PLPP7: variants seen among roughly 807,000 people sequenced by gnomAD.
The protein encoded by PLPP7 is phospholipid phosphatase 7 (inactive).
Under a neutral mutation model 16.9 loss-of-function variants are expected in PLPP7, and 11 were observed. The observed-to-expected ratio is 0.65, with a 90% confidence interval of 0.41 to 1.08. The LOEUF is 1.08. PLPP7 is among the 50% of genes least tolerant of loss of function. The pLI is 0.00. For synonymous variants in PLPP7, 174 were observed against 175.1 expected, an observed-to-expected ratio of 0.99 and a Z score of 0.05; for missense variants, 358 against 397.1, an observed-to-expected ratio of 0.90 and a Z score of 0.84.
intron 1 of PLPP7, among the ~76,000 whole-genome samples, chr9:131,300,599 T>C (rs1835786869): frequency 6.6e-6 from 1 of 151,240 alleles, no homozygotes; most frequent in African/African-American, 2.4e-5. Flanking sequence ...GGAGGATCAT[T>C]TGAGCCCAAA....
At chr9:131,298,355 G>A (rs1457487878) in intron 1 of PLPP7, among the ~76,000 whole-genome samples, 2 of 152,146 alleles carry the variant, frequency 1.3e-5, no homozygotes, top group East Asian at 1.9e-4. Flanking sequence ...CAGCCCAGGA[G>A]CACTGGGACC....
At chr9:131,291,140 T>G (rs772409346) in intron 1 of PLPP7, 2 of 1,366,444 alleles carry the variant, frequency 1.5e-6, no homozygotes, top group Non-Finnish European at 2.0e-6. Context: ...AGGTGCCACG[T>G]GGGGCCCATG....
chr9:131,299,056 A>G (rs551650168), intron 1 of PLPP7, among the ~76,000 whole-genome samples: 2 of 152,306 alleles, frequency 1.3e-5, no homozygotes, highest in Admixed American at 6.5e-5. Flanking sequence ...AGTGTCTGCT[A>G]TACACAAGCA....
At chr9:131,292,214 A>G (rs1039807595) in intron 1 of PLPP7, among the ~76,000 whole-genome samples, 8 of 152,160 alleles carry the variant, frequency 5.3e-5, no homozygotes, top group African/African-American at 1.2e-4. Context: ...GTGGCTCAAG[A>G]AGACTGTTGG....
At position 131,308,278 on chromosome 9, in the gene PLPP7, T is replaced by C; in HGVS notation, c.807T>C (p.Ser269=). 1 of 1,588,660 alleles carries C rather than the reference T, an allele frequency of 6.3e-7. No individual in the cohort carries two copies. The highest frequency in any genetic ancestry group is 8.5e-7 in the Non-Finnish European group (1 of 1,174,642). The change falls in exon 2 of 2, where the codon TCT becomes TCC. Residue 269 remains serine (S), a synonymous_variant. Transcript: ENST00000372264. The part of the protein sequence containing the change: ...MPSSTCQMLI[S]AW ...CCAGCACCTGCCAGATGCTCATCTCTGCCTGGTGAAGCGCCCGCCGGCCCA... is the reference window on the plus strand; with the variant it reads ...CCAGCACCTGCCAGATGCTCATCTCCGCCTGGTGAAGCGCCCGCCGGCCCA...
chr9:131,290,164 C>A lies in PLPP7; in HGVS notation c.167C>A (p.Ala56Asp). 6.3e-7 allele frequency: 1 copy of A among 1,577,364 alleles called. No homozygotes were observed. Among genetic ancestry groups the A allele is most frequent in the Non-Finnish European group, 8.6e-7 (1 of 1,157,630 alleles). Residue 56 changes from alanine to aspartate, a missense_variant, in exon 1 of 2, where the codon GCC (alanine) becomes GAC (aspartate). Transcript: ENST00000372264. This position sits in a 1 kb window ranked among gnomAD's most constrained non-coding sequence, Gnocchi z 4.2. ...CAGCCCCCACCTGCTGGTGACGGGGCCAGAGAGCGACGCCAGTCACAGCAG... is the reference window on the plus strand; with the variant it reads ...CAGCCCCCACCTGCTGGTGACGGGGACAGAGAGCGACGCCAGTCACAGCAG... ...SAQPPPAGDG[A>D]RERRQSQQLP...
intron 1 of PLPP7, chr9:131,291,061 C>G (rs1419564231): frequency 7.3e-7 from 1 of 1,365,978 alleles, no homozygotes; most frequent in African/African-American, 1.5e-5. Flanking sequence ...TTCGGGGGGC[C>G]AGTTGTGGGT....
intron 1 of PLPP7, among the ~76,000 whole-genome samples, chr9:131,303,336 A>C (rs1588210144): frequency 6.7e-6 from 1 of 150,344 alleles, no homozygotes; most frequent in East Asian, 1.9e-4. Flanking sequence ...CTGTCTTAAA[A>C]AAAAAAAAAA....
intron 1 of PLPP7, among the ~76,000 whole-genome samples, chr9:131,298,845 T>C (rs1835764995): frequency 6.6e-6 from 1 of 152,142 alleles, no homozygotes; most frequent in Non-Finnish European, 1.5e-5. Context: ...CGAGGTGGGT[T>C]CTTGTTGCCC....
chr9:131,307,958 C>CAGA lies in PLPP7; in HGVS notation c.490_492dup (p.Lys164dup). On this transcript the variant is annotated inframe_insertion, in exon 2 of 2. Coordinates refer to ENST00000372264, the MANE Select transcript of PLPP7 (RefSeq NM_032728.4). ...GGACATCATGACGGTGGCCGGCGTG[C>CAGA]AGAAGCTCATCAAGCGGCGCGGCCC... The CAGA allele has an allele frequency of 6.3e-7, 1 of 1,597,446 alleles. No individual in the cohort carries two copies. The highest frequency in any genetic ancestry group is 8.5e-7 in the Non-Finnish European group (1 of 1,178,248).
chr9:131,303,593 C>G (rs1377334694), intron 1 of PLPP7, among the ~76,000 whole-genome samples: 1 of 151,668 alleles, frequency 6.6e-6, no homozygotes, highest in Non-Finnish European at 1.5e-5. Context: ...CTGCACTGAA[C>G]TGTCATTGAG....
rs1490521334 is a variant in PLPP7 at position 131,307,585 on chromosome 9, C to A, written c.452-338C>A. On this transcript the variant is annotated intron_variant, in intron 1 of 1. Transcript: ENST00000372264. ...AAAAAAAAAAAAAAAAAAAAAAAAA[C>A]CCAAAGAAATAAAATGCGTATTATG... Among the ~76,000 whole-genome samples the A allele has an allele frequency of 1.7e-3, 173 of 103,552 alleles. 1 individual carries two copies. The highest frequency in any genetic ancestry group is 5.0e-3 in the Middle Eastern group (1 of 200). The allele number at this position is 103,552 out of a possible 152,430, so 67.9% of individuals were successfully genotyped here.
chr9:131,292,696 G>T (rs1254507114), intron 1 of PLPP7: 1 of 606,798 alleles, frequency 1.6e-6, no homozygotes, highest in East Asian at 1.4e-4. Flanking sequence ...GGATGCTCTA[G>T]TAAGGGGGTG....
intron 1 of PLPP7, among the ~76,000 whole-genome samples, chr9:131,299,059 C>T (rs1431252780): frequency 3.3e-5 from 5 of 152,206 alleles, no homozygotes; most frequent in Non-Finnish European, 5.9e-5. Flanking sequence ...GTCTGCTATA[C>T]ACAAGCATCA....
At chr9:131,307,110 G>A (rs1250537260) in intron 1 of PLPP7, among the ~76,000 whole-genome samples, 1 of 151,652 alleles carries the variant, frequency 6.6e-6, no homozygotes, top group Non-Finnish European at 1.5e-5. Flanking sequence ...GCCAAGCATG[G>A]TAGTGTGCAC....
Position 131,290,556 on chromosome 9 carries a change from G to A in PLPP7, c.451+108G>A. The A allele has an allele frequency of 8.9e-7, 1 of 1,124,514 alleles. No individual in the cohort carries two copies. Among genetic ancestry groups the A allele is most frequent in the Non-Finnish European group, 1.2e-6 (1 of 826,566 alleles). 69.7% of individuals were successfully genotyped at this position (1,124,514 alleles called of 1,614,324 possible). A position where few individuals can be genotyped will look rare whatever the true frequency, so the allele number is the denominator to read the frequency against. ...CTGCACAGCCCTCAGAAACCGGCTG[G>A]GATGGTCTAATGAGGTTAGGCAGGA... On this transcript the variant is annotated intron_variant, in intron 1 of 1. Transcript: ENST00000372264. The surrounding 1 kb of genome is among the most constrained non-coding windows in gnomAD (Gnocchi z 4.2).
Position 131,290,722 on chromosome 9 carries a change from G to A in PLPP7, c.451+274G>A, listed in dbSNP as rs575421774. ...AAGGACCTGCTCAGCAAAAGGCACC[G>A]CTGCCCAGAGGCAGCTTGAAGGGAG... On this transcript the variant is annotated intron_variant, in intron 1 of 1. Coordinates refer to ENST00000372264, the MANE Select transcript of PLPP7 (RefSeq NM_032728.4). The surrounding 1 kb of genome is among the most constrained non-coding windows in gnomAD (Gnocchi z 4.2). Among the ~76,000 whole-genome samples the A allele has an allele frequency of 7.9e-5, 12 of 152,350 alleles. No individual in the cohort carries two copies. In the South Asian group the frequency reaches 1.9e-3, roughly 24 times the overall value.
chr9:131,306,019 C>T (rs1835848150), intron 1 of PLPP7, among the ~76,000 whole-genome samples: 3 of 151,840 alleles, frequency 2.0e-5, no homozygotes, highest in African/African-American at 7.3e-5. Flanking sequence ...GGGCGGATCG[C>T]GAGGTCAGGA....
chr9:131,306,263 C>T (rs769363528), intron 1 of PLPP7, among the ~76,000 whole-genome samples: 2 of 151,672 alleles, frequency 1.3e-5, no homozygotes, highest in African/African-American at 2.4e-5. Flanking sequence ...ATAAAGAGGC[C>T]GGGCGCGGTG....
Sources: allele counts gnomAD v4.1 joint callset (sites outside exome capture counted in the v4.1 genomes callset), GRCh38; gene constraint gnomAD v4.1.1; non-coding constraint Gnocchi (gnomAD v3.1); transcripts MANE v1.5; gene names NCBI Gene and HGNC (gene_info 2026-07-23, HGNC 2026-07-21).